Variants in MAP2 observed in about 807,000 individuals in gnomAD.
MAP2 encodes microtubule-associated protein 2.
In MAP2, 14 loss-of-function variants were observed where a neutral mutation model predicts 137.6. The observed-to-expected ratio is 0.10, with a 90% CI of 0.07 to 0.16. The LOEUF is 0.16. Ranked by LOEUF, MAP2 falls within the 10% of genes least tolerant of loss-of-function variation. MAP2 has a pLI of 1.00. For synonymous variants in MAP2, 786 were observed against 782.3 expected (o/e 1.00, Z -0.08); for missense variants, 2,088 against 2,191.5 (o/e 0.95, Z 0.94).
chr2:209,665,093 A>C, intron 5 of MAP2, among the ~76,000 whole-genome samples: 1 of 152,164 alleles, frequency 6.6e-6, no homozygotes, highest in East Asian at 1.9e-4. Context: ...TAGAACAGAA[A>C]GAAATTAGGT....
At chr2:209,669,436 C>G (rs2047814357) in intron 5 of MAP2, among the ~76,000 whole-genome samples, 1 of 152,008 alleles carries the variant, frequency 6.6e-6, no homozygotes, top group Admixed American at 6.6e-5. Flanking sequence ...GTTAGCTAAG[C>G]TGCTGATCTT....
chr2:209,561,262 T>C (rs2072000277), intron 2 of MAP2, among the ~76,000 whole-genome samples: 1 of 152,196 alleles, frequency 6.6e-6, no homozygotes, highest in Non-Finnish European at 1.5e-5. Context: ...GTCAAATGCC[T>C]GTGTGTGTGT....
intron 2 of MAP2, among the ~76,000 whole-genome samples, chr2:209,521,974 C>T (rs1028578257): frequency 3.3e-5 from 5 of 152,000 alleles, no homozygotes; most frequent in African/African-American, 9.7e-5. Context: ...ATTTTTAGAG[C>T]TTTGGTTCAG....
chr2:209,673,308 C>T (rs896285016), intron 5 of MAP2, among the ~76,000 whole-genome samples: 1 of 151,764 alleles, frequency 6.6e-6, no homozygotes, highest in African/African-American at 2.4e-5. Context: ...ACTTTACAGG[C>T]ATGTTATAAT....
chr2:209,559,220 G>A (rs1047647054), intron 2 of MAP2, among the ~76,000 whole-genome samples: 1 of 151,686 alleles, frequency 6.6e-6, no homozygotes, highest in Admixed American at 6.6e-5. Context: ...TCTCCCCGCC[G>A]ACGCCTCCTT....
At chr2:209,469,581 T>C (rs1705136924) in intron 1 of MAP2, among the ~76,000 whole-genome samples, 3 of 152,156 alleles carry the variant, frequency 2.0e-5, no homozygotes, top group Admixed American at 2.0e-4. Context: ...GATATGCTCA[T>C]TCCATCCTTT....
intron 2 of MAP2, among the ~76,000 whole-genome samples, chr2:209,523,131 A>T (rs2063518816): frequency 6.6e-6 from 1 of 152,000 alleles, no homozygotes; most frequent in Non-Finnish European, 1.5e-5. Flanking sequence ...TTAGGAGTGA[A>T]TGCTTAGACC....
chr2:209,653,392 G>A lies in MAP2; in HGVS notation c.222G>A (p.Gly74=). ...QGTYSNTKEN[G]INGELTSADR... ...CCTATTCAAATACCAAAGAGAATGG[G>A]ATCAACGGAGAGCTGACCTCAGCTG... The change falls in exon 5 of 16, where the codon GGG becomes GGA. Residue 74 remains glycine (G), a synonymous_variant. Coordinates refer to ENST00000682079, the MANE Select transcript of MAP2 (RefSeq NM_001375505.1). 1 of 1,612,592 alleles carries A rather than the reference G, an allele frequency of 6.2e-7. No homozygotes were observed. The highest frequency in any genetic ancestry group is 1.3e-5 in the African/African-American group (1 of 74,996).
At chr2:209,611,493 A>G (rs2086864121) in intron 3 of MAP2, among the ~76,000 whole-genome samples, 1 of 151,912 alleles carries the variant, frequency 6.6e-6, no homozygotes, top group African/African-American at 2.4e-5. Context: ...ATAATTTACA[A>G]TTTAAAGATG....
intron 1 of MAP2, among the ~76,000 whole-genome samples, chr2:209,477,434 A>G (rs778385234): frequency 1.3e-5 from 2 of 152,146 alleles, no homozygotes; most frequent in Non-Finnish European, 2.9e-5. Flanking sequence ...AGAATACATC[A>G]TGATTTTTTT....
At chr2:209,559,584 G>A (rs2071524790) in intron 2 of MAP2, among the ~76,000 whole-genome samples, 1 of 151,618 alleles carries the variant, frequency 6.6e-6, no homozygotes, top group South Asian at 2.1e-4. Flanking sequence ...GCGGGAGGCA[G>A]AGGTTGTAGT....
chr2:209,472,801 G>GT (rs1442869907), intron 1 of MAP2, among the ~76,000 whole-genome samples: 1 of 152,140 alleles, frequency 6.6e-6, no homozygotes, highest in African/African-American at 2.4e-5. Context: ...ACAGTCAACT[G>GT]TGAGTTGGTA....
intron 5 of MAP2, chr2:209,661,771 G>C (rs1165441450): frequency 1.3e-6 from 1 of 774,070 alleles, no homozygotes; most frequent in African/African-American, 1.9e-5. Flanking sequence ...ATTTGGCTTG[G>C]CTTGTTGATG....
chr2:209,553,186 T>C (rs2069633047), intron 2 of MAP2, among the ~76,000 whole-genome samples: 2 of 151,952 alleles, frequency 1.3e-5, no homozygotes, highest in African/African-American at 4.8e-5. Context: ...TAATTTTTTG[T>C]ATATTTAGTA....
chr2:209,567,309 A>G (rs975192326), intron 2 of MAP2, among the ~76,000 whole-genome samples: 8 of 152,140 alleles, frequency 5.3e-5, no homozygotes, highest in South Asian at 2.1e-4. Context: ...CCAAGGACCT[A>G]TATAGATGAA....
intron 2 of MAP2, among the ~76,000 whole-genome samples, chr2:209,518,976 G>A (rs559957525): frequency 1.2e-4 from 18 of 152,034 alleles, no homozygotes; most frequent in African/African-American, 4.3e-4. Flanking sequence ...GGGAAATTTG[G>A]AATTTTACTG....
intron 3 of MAP2, among the ~76,000 whole-genome samples, chr2:209,580,838 C>T (rs1029853115): frequency 6.6e-6 from 1 of 152,100 alleles, no homozygotes; most frequent in Non-Finnish European, 1.5e-5. Flanking sequence ...ATGGATATTA[C>T]CTTTTCTTTA....
Position 209,631,005 on chromosome 2 carries a change from CAAAAA to C in MAP2, c.-30+5902_-30+5906del, listed in dbSNP as rs776266690. 4.5e-4 allele frequency among the ~76,000 whole-genome samples: 19 copies of C among 42,124 alleles called. No individual in the cohort carries two copies. In the South Asian group the frequency reaches 7.6e-3, roughly 17 times the overall value. 27.6% of individuals were successfully genotyped at this position (42,124 alleles called of 152,430 possible). On this transcript the variant is annotated intron_variant, in intron 4 of 15. Transcript: ENST00000682079. ...TTTCAAGATTGAAGGGAGCTACAAG[CAAAAA>C]AAAAAAAAAAAAAAAAAAAAAAAAA...
In MAP2 at chr2:209,461,158, A is replaced by T. The variant is rs74833333; in HGVS notation, c.-222+36882A>T. On this transcript the variant is annotated intron_variant, in intron 1 of 15. Transcript: ENST00000682079. ...TGATTATTAAGTAAACTTAATTATT[A>T]CTACCAGAAAACTATTCACAATGGT... 6.6e-4 allele frequency among the ~76,000 whole-genome samples: 101 copies of T among 152,374 alleles called. 1 individual carries two copies. In the East Asian group the frequency reaches 0.013, roughly 20 times the overall value.
Sources: gnomAD v4.1 joint callset for allele counts (sites outside exome capture counted in the v4.1 genomes callset) on GRCh38, gnomAD v4.1.1 for gene constraint, MANE v1.5 for transcripts, NCBI Gene and HGNC (gene_info 2026-07-23, HGNC 2026-07-21) for gene names.